PPP6R3: variants seen among roughly 807,000 people sequenced by gnomAD.
PPP6R3 encodes the protein serine/threonine-protein phosphatase 6 regulatory subunit 3.
A neutral mutation model predicts 110.7 loss-of-function variants in PPP6R3; 38 were observed. The observed-to-expected ratio is 0.34, with a 90% CI of 0.26 to 0.45. PPP6R3 has a LOEUF of 0.45. PPP6R3 is among the 20% of genes least tolerant of loss of function. PPP6R3 has a pLI of 1.00. For synonymous variants in PPP6R3, 369 were observed against 373.5 expected (o/e 0.99, Z 0.14); for missense variants, 870 against 1,062.4 (o/e 0.82, Z 2.52).
chr11:68,585,200 ACTCCCCAC>A (rs1297012150), intron 15 of PPP6R3, among the ~76,000 whole-genome samples: 87 of 151,496 alleles, frequency 5.7e-4, no homozygotes, highest in African/African-American at 2.0e-3. Context: ...CTGGTGTTTG[ACTCCCCAC>A]CTCCCTGATT....
intron 1 of PPP6R3, among the ~76,000 whole-genome samples, chr11:68,483,729 T>C (rs540529159): frequency 1.3e-5 from 2 of 152,280 alleles, no homozygotes; most frequent in African/African-American, 4.8e-5. Context: ...TGATCCGCCT[T>C]CTTTGGTCTC....
chr11:68,559,723 G>T (rs903312104), intron 8 of PPP6R3, among the ~76,000 whole-genome samples: 1 of 152,112 alleles, frequency 6.6e-6, no homozygotes, highest in African/African-American at 2.4e-5. Flanking sequence ...CTCTTTCTAG[G>T]AAAATCAGTA....
chr11:68,555,763 A>G (rs1200443108), intron 7 of PPP6R3, among the ~76,000 whole-genome samples: 4 of 152,230 alleles, frequency 2.6e-5, no homozygotes, highest in South Asian at 4.1e-4. Flanking sequence ...AATTTACATC[A>G]TTAAATTAGT....
chr11:68,497,814 C>T (rs530352412), intron 1 of PPP6R3, among the ~76,000 whole-genome samples: 11 of 152,200 alleles, frequency 7.2e-5, no homozygotes, highest in Admixed American at 3.9e-4. Context: ...GGTGTCATAT[C>T]TAAGAAAGTT....
chr11:68,494,741 T>G (rs1027743860), intron 1 of PPP6R3, among the ~76,000 whole-genome samples: 2 of 152,160 alleles, frequency 1.3e-5, no homozygotes, highest in Non-Finnish European at 1.5e-5. Flanking sequence ...TACTCCCCCT[T>G]TTGAAAGGAC....
chr11:68,614,341 T>G lies in PPP6R3; in HGVS notation c.*1224T>G. ...CAGCCTTCTCAAACAGCTCAAGCAATATATTGTATATTGCCATATCGTCTG... is the reference window on the plus strand; with the variant it reads ...CAGCCTTCTCAAACAGCTCAAGCAAGATATTGTATATTGCCATATCGTCTG... On this transcript the variant is annotated 3_prime_UTR_variant, in exon 24 of 24. Coordinates refer to ENST00000393800, the MANE Select transcript of PPP6R3 (RefSeq NM_001164161.2). 1 of 1,125,122 alleles carries G rather than the reference T, an allele frequency of 8.9e-7. No homozygotes were observed. The highest frequency in any genetic ancestry group is 1.1e-6 in the Non-Finnish European group (1 of 917,006). The allele number at this position is 1,125,122 out of a possible 1,614,324, so 69.7% of individuals were successfully genotyped here.
At chr11:68,564,509 A>G in intron 9 of PPP6R3, 77 bp downstream of exon 9, 1 of 1,484,246 alleles carries the variant, frequency 6.7e-7, no homozygotes, top group South Asian at 1.2e-5. Flanking sequence ...TACGGGCCTT[A>G]GGAGTGGCAG....
At chr11:68,541,369 T>C (rs1331767450) in intron 3 of PPP6R3, among the ~76,000 whole-genome samples, 2 of 152,160 alleles carry the variant, frequency 1.3e-5, no homozygotes, top group African/African-American at 2.4e-5. Context: ...AAGATCTTAG[T>C]GGACCTGATT....
At chr11:68,563,620 G>C (rs1195637844) in intron 8 of PPP6R3, among the ~76,000 whole-genome samples, 1 of 152,228 alleles carries the variant, frequency 6.6e-6, no homozygotes, top group Non-Finnish European at 1.5e-5. Context: ...AGAATAGACA[G>C]TACTCAGTGC....
intron 3 of PPP6R3, 121 bp downstream of exon 3, chr11:68,538,012 AAG>A: frequency 1.3e-6 from 1 of 747,402 alleles, no homozygotes; most frequent in Non-Finnish European, 2.1e-6. Context: ...TAAGATAGTC[AAG>A]AATGACAGGC....
chr11:68,571,203 A>G, intron 12 of PPP6R3, 99 bp downstream of exon 12: 1 of 1,411,968 alleles, frequency 7.1e-7, no homozygotes, highest in Non-Finnish European at 9.4e-7. Flanking sequence ...AAATAATTAC[A>G]TGATACTGGC....
At chr11:68,532,465 T>G (rs1488323119) in intron 2 of PPP6R3, among the ~76,000 whole-genome samples, 1 of 152,218 alleles carries the variant, frequency 6.6e-6, no homozygotes, top group Non-Finnish European at 1.5e-5. Context: ...CAAAAAACTC[T>G]AGGATTTTGA....
At chr11:68,487,764 C>G (rs1027446723) in intron 1 of PPP6R3, among the ~76,000 whole-genome samples, 1 of 151,944 alleles carries the variant, frequency 6.6e-6, no homozygotes, top group Non-Finnish European at 1.5e-5. Context: ...TGTATGATTT[C>G]TGTTATGTGT....
At chr11:68,551,467 C>T (rs1292731168) in intron 6 of PPP6R3, among the ~76,000 whole-genome samples, 5 of 152,116 alleles carry the variant, frequency 3.3e-5, no homozygotes, top group Admixed American at 1.3e-4. Context: ...TTGTACAAAC[C>T]TCCTTTGTTT....
intron 1 of PPP6R3, among the ~76,000 whole-genome samples, chr11:68,489,570 G>T (rs1480727229): frequency 6.6e-6 from 1 of 151,894 alleles, no homozygotes; most frequent in Non-Finnish European, 1.5e-5. Context: ...GTGTGTGTGT[G>T]TGTGTGTGTT....
At chr11:68,533,704 C>CAAAAA (rs58617776) in intron 2 of PPP6R3, among the ~76,000 whole-genome samples, 3 of 56,164 alleles carry the variant, frequency 5.3e-5, no homozygotes, top group African/African-American at 1.4e-4. Flanking sequence ...GACCTTGTCT[C>CAAAAA]AAAAAAAAAA....
At chr11:68,607,702 ATCTG>A (rs1220582433) in intron 22 of PPP6R3, among the ~76,000 whole-genome samples, 1 of 152,136 alleles carries the variant, frequency 6.6e-6, no homozygotes, top group Non-Finnish European at 1.5e-5. Flanking sequence ...TATCTATCTC[ATCTG>A]TCTGTCATCT....
chr11:68,531,347 A>AT (rs1005789930), intron 2 of PPP6R3, among the ~76,000 whole-genome samples: 1 of 150,224 alleles, frequency 6.7e-6, no homozygotes, highest in African/African-American at 2.5e-5. Flanking sequence ...TTATTTATTT[A>AT]TTTAAATTTT....
intron 2 of PPP6R3, among the ~76,000 whole-genome samples, chr11:68,529,656 T>G (rs2099225410): frequency 6.6e-6 from 1 of 152,250 alleles, no homozygotes; most frequent in East Asian, 1.9e-4. Flanking sequence ...CTATAAATGT[T>G]TCTAGGTATT....
Sources: gnomAD v4.1 joint callset for allele counts (sites outside exome capture counted in the v4.1 genomes callset) on GRCh38, gnomAD v4.1.1 for gene constraint, MANE v1.5 for transcripts, NCBI Gene and HGNC (gene_info 2026-07-23, HGNC 2026-07-21) for gene names.